The following PKP3 variants were observed in gnomAD, a reference collection of about 807,000 sequenced individuals.
The protein encoded by PKP3 is plakophilin 3.
In PKP3, 66 loss-of-function variants were observed where a neutral mutation model predicts 76.5. The ratio of observed to expected loss-of-function variants is 0.86; its 90% CI spans 0.71 to 1.06. The LOEUF (loss-of-function observed/expected upper bound fraction) is 1.06. Among genes scored for constraint, PKP3 ranks in the 50% least tolerant of loss-of-function variants. The pLI is 0.00. For missense variants in PKP3, 1,338 were observed against 1,141.0 expected, an observed-to-expected ratio of 1.17 and a Z score of -2.49; for synonymous variants, 638 against 516.5, an observed-to-expected ratio of 1.24 and a Z score of -3.19.
In PKP3 at chr11:394,503, CCTGAGGCCGAGA is replaced by C; in HGVS notation, c.215_226del (p.Glu72_Thr75del). The C allele has an allele frequency of 7.2e-7, 1 of 1,392,588 alleles. No homozygotes were observed. Among genetic ancestry groups the C allele is most frequent in the Non-Finnish European group, 9.2e-7 (1 of 1,081,100 alleles). 86.3% of individuals were successfully genotyped at this position (1,392,588 alleles called of 1,614,324 possible). ...GCACAACGGGGCCGCTGAGCCCGAG[CCTGAGGCCGAGA>C]CTGCCAGAGGTAGGCGGTGGGGACA... On this transcript the variant is annotated inframe_deletion, in exon 1 of 13. Coordinates refer to ENST00000331563, the MANE Select transcript of PKP3 (RefSeq NM_007183.4).
At chr11:393,994 C>T (rs570573621), upstream of PKP3, among the ~76,000 whole-genome samples, 48 of 152,344 alleles carry the variant, frequency 3.2e-4, no homozygotes, top group African/African-American at 1.1e-3. Context: ...CCCAGGTCCC[C>T]GTGGCCCTGT....
chr11:396,805 G>A lies in PKP3; in HGVS notation c.313-9G>A, dbSNP rs769324955. On this transcript the variant is annotated splice_polypyrimidine_tract_variant and intron_variant, in intron 2 of 12. Transcript: ENST00000331563. Reference sequence around the variant, plus strand: ...AGGCACGCCCTCACCGCCCCCTCTCGACCCACAGGGCTTCCGGCCCATCGC... The same window carrying A: ...AGGCACGCCCTCACCGCCCCCTCTCAACCCACAGGGCTTCCGGCCCATCGC... 51 of 1,572,888 alleles carry A rather than the reference G, an allele frequency of 3.2e-5. No homozygotes were observed. The highest frequency in any genetic ancestry group is 3.6e-5 in the Non-Finnish European group (42 of 1,163,430).
In PKP3 at chr11:400,199, C is replaced by A. The variant is rs533554575; in HGVS notation, c.1448+58C>A. 5.3e-5 allele frequency: 76 copies of A among 1,444,656 alleles called. No homozygotes were observed. In the East Asian group the frequency reaches 1.8e-3, roughly 33 times the overall value. The allele number at this position is 1,444,656 out of a possible 1,614,324, so 89.5% of individuals were successfully genotyped here. A position where few individuals can be genotyped will look rare whatever the true frequency, so the allele number is the denominator to read the frequency against. On this transcript the variant is annotated intron_variant, in intron 6 of 12. Coordinates refer to ENST00000331563, the MANE Select transcript of PKP3 (RefSeq NM_007183.4). ...GCAGGCGCGGGTCACTGTGGGGACT[C>A]CGCCTGGCCTGGCGTTCGCAGCCCA...
At position 399,046 on chromosome 11, in the gene PKP3, C is replaced by G. The variant is rs1847102088; in HGVS notation, c.1123C>G (p.Gln375Glu). Residue 375 changes from glutamine (Q) to glutamate (E), a missense_variant, in exon 5 of 13, where the codon CAG becomes GAG. By Grantham distance (29) the Gln-to-Glu change is conservative. Coordinates refer to ENST00000331563, the MANE Select transcript of PKP3 (RefSeq NM_007183.4). Reference protein sequence around the residue: ...RLVKLFNHANQEVQRHATGAM... With the variant: ...RLVKLFNHANEEVQRHATGAM... The stretch of plus-strand genomic sequence containing the variant: ...GGTGAAGCTCTTCAACCACGCCAAC[C>G]AGGAAGTGCAGCGCCATGCCACAGG... 1.2e-6 allele frequency: 2 copies of G among 1,607,178 alleles called. No homozygotes were observed. Among genetic ancestry groups the G allele is most frequent in the Middle Eastern group, 1.7e-4 (1 of 6,040 alleles).
In PKP3 at chr11:399,156, A is replaced by G. The variant is rs1477310764; in HGVS notation, c.1233A>G (p.Thr411=). Residue 411 remains threonine (T), a synonymous_variant, in exon 5 of 13, where the codon ACA becomes ACG. Coordinates refer to ENST00000331563, the MANE Select transcript of PKP3 (RefSeq NM_007183.4). Reference sequence around the variant, plus strand: ...ACGGGATCTTCGAGCTGCTGCGGACACTGCGGGAGCAGGATGATGAGCTTC... The same window carrying G: ...ACGGGATCTTCGAGCTGCTGCGGACGCTGCGGGAGCAGGATGATGAGCTTC... ...EENGIFELLR[T]LREQDDELRK... The G allele has an allele frequency of 1.2e-6, 2 of 1,610,190 alleles. No individual in the cohort carries two copies. Among genetic ancestry groups the G allele is most frequent in the Admixed American group, 1.7e-5 (1 of 59,792 alleles).
Position 400,623 on chromosome 11 carries a change from G to T in PKP3, c.1655G>T (p.Gly552Val), listed in dbSNP as rs758885107. Residue 552 changes from glycine to valine, a missense_variant, in exon 8 of 13, where the codon GGT becomes GTT. Coordinates refer to ENST00000331563, the MANE Select transcript of PKP3 (RefSeq NM_007183.4). ...MPPSALQRLE[G>V]RGRRDLAGAP... ...CCGTCCGCGCTGCAGCGGCTGGAGG[G>T]TCGCGGCCGCAGGGACCTGGCGGGG... 1.4e-6 allele frequency: 2 copies of T among 1,421,144 alleles called. No homozygotes were observed. The highest frequency in any genetic ancestry group is 3.3e-5 in the Admixed American group (1 of 30,430). 88.0% of individuals were successfully genotyped at this position (1,421,144 alleles called of 1,614,324 possible).
chr11:404,350 A>G lies in PKP3; in HGVS notation c.2358+27A>G. ...TACGTTTCCCGAGCCCAGGGCAAGC[A>G]GGGACCCGGGTGCAGGGCATGGGAC... On this transcript the variant is annotated intron_variant, in intron 12 of 12. Coordinates refer to ENST00000331563, the MANE Select transcript of PKP3 (RefSeq NM_007183.4). The surrounding 1 kb of genome is among the most constrained non-coding windows in gnomAD (Gnocchi z 4.2). 6.3e-7 allele frequency: 1 copy of G among 1,593,796 alleles called. No homozygotes were observed. Among genetic ancestry groups the G allele is most frequent in the Non-Finnish European group, 8.6e-7 (1 of 1,162,746 alleles).
rs777687808 is a variant in PKP3, at chr11:396,960, C to T, written c.459C>T (p.Pro153=). The part of the protein sequence containing the change: ...FGAAGYGGAQ[P]TPPMPTRPVS... ...CCGCTGGGTACGGGGGTGCCCAGCC[C>T]ACCCCTCCCATGCCCACCAGGCCCG... The change falls in exon 3 of 13, where the codon CCC becomes CCT. Residue 153 remains proline, a synonymous_variant. Coordinates refer to ENST00000331563, the MANE Select transcript of PKP3 (RefSeq NM_007183.4). The T allele has an allele frequency of 6.3e-7, 1 of 1,597,440 alleles. No individual in the cohort carries two copies. Among genetic ancestry groups the T allele is most frequent in the Admixed American group, 1.7e-5 (1 of 59,452 alleles).
At position 403,525 on chromosome 11, in the gene PKP3, G is replaced by A. The variant is rs1471571698; in HGVS notation, c.1924-93G>A. The stretch of plus-strand genomic sequence containing the variant: ...CAGAAGCAGAGGCCCCCCTGAGGGT[G>A]GCGAGAGGATGCAGCGACCCCATTG... On this transcript the variant is annotated intron_variant, in intron 9 of 12. Transcript: ENST00000331563. 3 of 1,290,650 alleles carry A rather than the reference G, an allele frequency of 2.3e-6. No homozygotes were observed. The East Asian group carries it at 7.0e-5, about 30-fold the overall frequency. 79.9% of individuals were successfully genotyped at this position (1,290,650 alleles called of 1,614,324 possible). A position where few individuals can be genotyped will look rare whatever the true frequency, so the allele number is the denominator to read the frequency against.
In PKP3 at chr11:404,357, C is replaced by T. The variant is rs577238950; in HGVS notation, c.2358+34C>T. 13 of 1,578,556 alleles carry T rather than the reference C, an allele frequency of 8.2e-6. No individual in the cohort carries two copies. Among genetic ancestry groups the T allele is most frequent in the African/African-American group, 5.4e-5 (4 of 74,382 alleles). ...CCCGAGCCCAGGGCAAGCAGGGACC[C>T]GGGTGCAGGGCATGGGACGCCGGGG... On this transcript the variant is annotated intron_variant, in intron 12 of 12. Coordinates refer to ENST00000331563, the MANE Select transcript of PKP3 (RefSeq NM_007183.4). The surrounding 1 kb of genome is among the most constrained non-coding windows in gnomAD (Gnocchi z 4.2).
At chr11:394,852 G>A (rs999900222) in intron 1 of PKP3, among the ~76,000 whole-genome samples, 5 of 152,302 alleles carry the variant, frequency 3.3e-5, no homozygotes, top group Admixed American at 6.5e-5. Flanking sequence ...CCCGGAACAC[G>A]CACGCGCCTG....
intron 1 of PKP3, among the ~76,000 whole-genome samples, chr11:395,578 G>C (rs1847034267): frequency 6.6e-6 from 1 of 152,188 alleles, no homozygotes; most frequent in East Asian, 1.9e-4. Context: ...GTGGGGGTGA[G>C]GTCCCCAGGC....
upstream of PKP3, chr11:394,202 G>C: frequency 7.2e-7 from 1 of 1,381,322 alleles, no homozygotes; most frequent in Non-Finnish European, 9.3e-7. Flanking sequence ...GGCTGGGCGG[G>C]GACTTCAGGG....
intron 2 of PKP3, 23 bp downstream of exon 2, chr11:396,710 G>C (rs777532922): frequency 1.2e-6 from 2 of 1,600,612 alleles, no homozygotes; most frequent in South Asian, 2.2e-5. Context: ...CCCAGCCCGA[G>C]GGGGACGATC....
rs1278985709 is a variant in PKP3, at chr11:397,520, C to G, written c.945-19C>G. ...CCTGAACCCAAAGTTAGCCTGACCC[C>G]TGACCCCTGGCTCCGCAGTTTTGAT... is the stretch of plus-strand genomic sequence containing the variant. On this transcript the variant is annotated intron_variant, in intron 3 of 12. Coordinates refer to ENST00000331563, the MANE Select transcript of PKP3 (RefSeq NM_007183.4). The G allele has an allele frequency of 6.2e-7, 1 of 1,612,154 alleles. No homozygotes were observed. The highest frequency in any genetic ancestry group is 1.7e-5 in the Admixed American group (1 of 59,966).
rs574310804 is a variant in PKP3 at position 403,608 on chromosome 11, C to A, written c.1924-10C>A. The A allele has an allele frequency of 1.1e-5, 18 of 1,602,072 alleles. No individual in the cohort carries two copies. In the Admixed American group the frequency reaches 1.2e-4, roughly 10 times the overall value. Reference sequence around the variant, plus strand: ...CTCCGGGTCACGGCTCACACCCTCCCTCCCCACAGTGGGCGGGGGTGCTGA... The same window carrying A: ...CTCCGGGTCACGGCTCACACCCTCCATCCCCACAGTGGGCGGGGGTGCTGA... On this transcript the variant is annotated splice_polypyrimidine_tract_variant and intron_variant, in intron 9 of 12. Transcript: ENST00000331563.
At position 403,109 on chromosome 11, in the gene PKP3, CG is replaced by C; in HGVS notation, c.1771del (p.Glu591ArgfsTer56). 3 of 1,544,086 alleles carry C rather than the reference CG, an allele frequency of 1.9e-6. No homozygotes were observed. Among genetic ancestry groups the C allele is most frequent in the Non-Finnish European group, 2.6e-6 (3 of 1,147,494 alleles). ...CTCGCCGCCGATGCGCTCACCTTCG[CG>C]GAGGTGTCCAAGGACCCCAAGGGCC... Reference protein sequence around the residue: ...LPLAADALTFAEVSKDPKGLE... With the variant: ...LPLAADALTFXEVSKDPKGLE... On this transcript the variant is annotated frameshift_variant, in exon 9 of 13. Coordinates refer to ENST00000331563, the MANE Select transcript of PKP3 (RefSeq NM_007183.4). LOFTEE classifies it high-confidence loss of function.
Position 399,022 on chromosome 11 carries a change from G to A in PKP3, c.1099G>A (p.Val367Met), listed in dbSNP as rs1847101732. The A allele has an allele frequency of 6.2e-7, 1 of 1,601,074 alleles. No individual in the cohort carries two copies. The highest frequency in any genetic ancestry group is 8.5e-7 in the Non-Finnish European group (1 of 1,171,836). The stretch of plus-strand genomic sequence containing the variant: ...CAGCCTTCAGGCCGTGCCTAGGCTG[G>A]TGAAGCTCTTCAACCACGCCAACCA... ...ARSLQAVPRL[V>M]KLFNHANQEV... The change falls in exon 5 of 13, where the codon GTG becomes ATG. Residue 367 changes from valine (V) to methionine (M), a missense_variant. By Grantham distance (21) the Val-to-Met change is conservative. Coordinates refer to ENST00000331563, the MANE Select transcript of PKP3 (RefSeq NM_007183.4).
intron 4 of PKP3, 180 bp downstream of exon 4, chr11:397,842 C>T (rs928366845): frequency 8.0e-6 from 5 of 622,418 alleles, no homozygotes; most frequent in Non-Finnish European, 1.4e-5. Flanking sequence ...TTGGATACAC[C>T]AGTATCACCT....
Sources: allele counts gnomAD v4.1 joint callset (sites outside exome capture counted in the v4.1 genomes callset), GRCh38; gene constraint gnomAD v4.1.1; non-coding constraint Gnocchi (gnomAD v3.1); transcripts MANE v1.5; gene names NCBI Gene and HGNC (gene_info 2026-07-23, HGNC 2026-07-21).